The following TRAPPC9 variants were observed in gnomAD, a reference collection of about 807,000 sequenced individuals.
The protein encoded by TRAPPC9 is trafficking protein particle complex subunit 9.
In TRAPPC9, 83 loss-of-function variants were observed where a neutral mutation model predicts 124.0. The observed-to-expected ratio is 0.67, with a 90% CI of 0.56 to 0.80. The LOEUF is 0.80. Among genes scored for constraint, TRAPPC9 ranks in the 30% least tolerant of loss-of-function variants. The pLI is 0.00. For synonymous variants in TRAPPC9, 638 were observed against 617.5 expected (o/e 1.03, Z -0.49); for missense variants, 1,302 against 1,508.3 (o/e 0.86, Z 2.27).
chr8:139,777,004 G>A (rs1287498920), intron 21 of TRAPPC9, among the ~76,000 whole-genome samples: 1 of 152,114 alleles, frequency 6.6e-6, no homozygotes, highest in South Asian at 2.1e-4. Context: ...CCCAAACACT[G>A]AGGTTCCAGC....
chr8:139,915,140 G>A (rs1832034658), intron 19 of TRAPPC9, among the ~76,000 whole-genome samples: 1 of 148,578 alleles, frequency 6.7e-6, no homozygotes, highest in Non-Finnish European at 1.5e-5. Flanking sequence ...TTTTGGGCGG[G>A]CTCCTGGAGG....
intron 17 of TRAPPC9, among the ~76,000 whole-genome samples, chr8:140,207,323 T>C (rs915534843): frequency 9.8e-5 from 15 of 152,342 alleles, no homozygotes; most frequent in Admixed American, 2.6e-4. Flanking sequence ...GAGATATTTC[T>C]AGGGGTGGGG....
intron 17 of TRAPPC9, among the ~76,000 whole-genome samples, chr8:140,083,249 A>C (rs182921169): frequency 6.6e-6 from 1 of 152,326 alleles, no homozygotes; most frequent in Non-Finnish European, 1.5e-5. Flanking sequence ...AATCTATCCT[A>C]ATAATATGAC....
At chr8:140,433,668 AG>A (rs1194100584) in intron 4 of TRAPPC9, among the ~76,000 whole-genome samples, 1 of 152,230 alleles carries the variant, frequency 6.6e-6, no homozygotes, top group Non-Finnish European at 1.5e-5. Flanking sequence ...ATAAAGGAAA[AG>A]TAACTGATGT....
At chr8:140,400,684 C>T (rs2069234909) in intron 6 of TRAPPC9, among the ~76,000 whole-genome samples, 1 of 152,120 alleles carries the variant, frequency 6.6e-6, no homozygotes, top group Non-Finnish European at 1.5e-5. Flanking sequence ...TAAGCTTCAT[C>T]CCCAGTTCTC....
At chr8:139,775,570 G>A (rs781143737) in intron 21 of TRAPPC9, among the ~76,000 whole-genome samples, 3 of 152,212 alleles carry the variant, frequency 2.0e-5, no homozygotes, top group African/African-American at 7.2e-5. Context: ...GGGCTAACTG[G>A]GGGCACGGCG....
intron 7 of TRAPPC9, 119 bp from the exon 8 acceptor site, chr8:140,371,299 G>C: frequency 8.8e-7 from 1 of 1,133,218 alleles, no homozygotes; most frequent in Non-Finnish European, 1.3e-6. Context: ...GGAGAATCAA[G>C]GAGAGGGAAA....
chr8:140,416,708 T>TA (rs756326174), intron 5 of TRAPPC9, among the ~76,000 whole-genome samples: 1 of 152,084 alleles, frequency 6.6e-6, no homozygotes, highest in Non-Finnish European at 1.5e-5. Context: ...CACAAAATTT[T>TA]AAAAAACTAC....
intron 8 of TRAPPC9, among the ~76,000 whole-genome samples, chr8:140,367,021 G>C (rs2068133480): frequency 6.6e-6 from 1 of 152,120 alleles, no homozygotes; most frequent in Non-Finnish European, 1.5e-5. Context: ...AAAGCAACGA[G>C]ATACCACTAC....
chr8:139,742,117 C>A lies in TRAPPC9; in HGVS notation c.3056-9915G>T, dbSNP rs1818599663. Among the ~76,000 whole-genome samples, 1 of 152,212 alleles carries A rather than the reference C, an allele frequency of 6.6e-6. No homozygotes were observed. Among genetic ancestry groups the A allele is most frequent in the Admixed American group, 6.5e-5 (1 of 15,280 alleles). On this transcript the variant is annotated intron_variant, in intron 21 of 22. Transcript: ENST00000438773. The surrounding 1 kb of genome is among the most constrained non-coding windows in gnomAD (Gnocchi z 4.7). ...CAGACTGTTTTCCAAGGCGGCTGCA[C>A]CCCCATTCCCAGCGGCGGTGCGGGA...
At chr8:140,039,213 C>T (rs1221206093) in intron 17 of TRAPPC9, among the ~76,000 whole-genome samples, 2 of 152,200 alleles carry the variant, frequency 1.3e-5, no homozygotes, top group Non-Finnish European at 2.9e-5. Flanking sequence ...AGGCATGGGG[C>T]CACGTGCCCT....
At chr8:140,085,232 T>G (rs1188679905) in intron 17 of TRAPPC9, among the ~76,000 whole-genome samples, 1 of 151,524 alleles carries the variant, frequency 6.6e-6, no homozygotes, top group African/African-American at 2.4e-5. Context: ...TGATGAAGGC[T>G]CCACGAGCCC....
At chr8:140,345,620 C>T (rs2067323897) in intron 9 of TRAPPC9, among the ~76,000 whole-genome samples, 1 of 152,228 alleles carries the variant, frequency 6.6e-6, no homozygotes, top group East Asian at 1.9e-4. Flanking sequence ...ACTTCCCTGT[C>T]CCTTCCGACT....
chr8:140,278,402 G>A (rs534193205), intron 14 of TRAPPC9, among the ~76,000 whole-genome samples: 12 of 152,298 alleles, frequency 7.9e-5, no homozygotes, highest in Admixed American at 2.0e-4. Flanking sequence ...CACCGCACCC[G>A]GCCGTGACAA....
At chr8:140,152,996 T>C (rs2061571670) in intron 17 of TRAPPC9, among the ~76,000 whole-genome samples, 1 of 152,222 alleles carries the variant, frequency 6.6e-6, no homozygotes, top group Non-Finnish European at 1.5e-5. Context: ...TTAAGTGTGA[T>C]GTTAGCTGAG....
intron 16 of TRAPPC9, among the ~76,000 whole-genome samples, chr8:140,249,602 T>A (rs906932165): frequency 7.4e-6 from 1 of 135,270 alleles, no homozygotes; most frequent in Admixed American, 7.3e-5. Context: ...TCACTCTTTT[T>A]TTTTTTTTTT....
intron 21 of TRAPPC9, among the ~76,000 whole-genome samples, chr8:139,736,357 G>A (rs1481690986): frequency 1.3e-5 from 2 of 152,158 alleles, no homozygotes; most frequent in African/African-American, 2.4e-5. Context: ...ATTACCCCGA[G>A]GCCTGGCATC....
chr8:139,875,116 C>T (rs942457423), intron 21 of TRAPPC9, among the ~76,000 whole-genome samples: 1 of 152,130 alleles, frequency 6.6e-6, no homozygotes, highest in Non-Finnish European at 1.5e-5. Context: ...GAGATGTCTG[C>T]AGCTAAATAG....
chr8:139,761,346 A>G (rs527456396), intron 21 of TRAPPC9, among the ~76,000 whole-genome samples: 1 of 152,244 alleles, frequency 6.6e-6, no homozygotes, highest in South Asian at 2.1e-4. Flanking sequence ...GAAGTTACCA[A>G]TCAAGCTCAC....
Sources: allele counts gnomAD v4.1 joint callset (sites outside exome capture counted in the v4.1 genomes callset), GRCh38; gene constraint gnomAD v4.1.1; non-coding constraint Gnocchi (gnomAD v3.1); transcripts MANE v1.5; gene names NCBI Gene and HGNC (gene_info 2026-07-23, HGNC 2026-07-21).